Variants in HSD17B12 observed in about 807,000 individuals in gnomAD.
The protein encoded by HSD17B12 is hydroxysteroid 17-beta dehydrogenase 12, also known as very-long-chain 3-oxoacyl-CoA reductase.
Under a neutral mutation model 39.3 loss-of-function variants are expected in HSD17B12, and 32 were observed. That is an observed-to-expected ratio of 0.81 (90% confidence interval 0.61 to 1.09). HSD17B12 has a LOEUF of 1.09. Ranked by LOEUF, HSD17B12 falls within the 50% of genes least tolerant of loss-of-function variation. The probability of loss-of-function intolerance (pLI) is 0.00; values close to 1 mark genes in which losing one functional copy is unlikely to be tolerated. For missense variants in HSD17B12, 342 were observed against 382.9 expected, an observed-to-expected ratio of 0.89 and a Z score of 0.89; for synonymous variants, 150 against 146.7, an observed-to-expected ratio of 1.02 and a Z score of -0.16.
intron 1 of HSD17B12, among the ~76,000 whole-genome samples, chr11:43,701,676 G>C (rs1382072868): frequency 6.6e-6 from 1 of 152,056 alleles, no homozygotes; most frequent in Non-Finnish European, 1.5e-5. Context: ...CTATTGTGTT[G>C]CATTGGTCAG....
At chr11:43,727,000 T>C (rs1298344173) in intron 1 of HSD17B12, among the ~76,000 whole-genome samples, 1 of 152,264 alleles carries the variant, frequency 6.6e-6, no homozygotes. Context: ...GAATAGATTT[T>C]ATTTATGTAG....
At chr11:43,754,972 G>A (rs546950698) in intron 3 of HSD17B12, 6 of 695,316 alleles carry the variant, frequency 8.6e-6, no homozygotes, top group Non-Finnish European at 1.6e-5. Flanking sequence ...CATTTGTTTG[G>A]TAAAACATAC....
At chr11:43,783,408 T>C (rs1199011934) in intron 3 of HSD17B12, among the ~76,000 whole-genome samples, 4 of 152,040 alleles carry the variant, frequency 2.6e-5, no homozygotes, top group Non-Finnish European at 5.9e-5. Context: ...TTTTTTTTTT[T>C]TTTTACTTTT....
chr11:43,662,243 G>C, the HSD17B12 span, among the ~76,000 whole-genome samples: 39 of 149,980 alleles, frequency 2.6e-4, no homozygotes, highest in Non-Finnish European at 4.7e-4. Context: ...CTGTCACCTA[G>C]GCTGGAGTGC....
At chr11:43,843,234 A>G (rs1951443429) in intron 9 of HSD17B12, among the ~76,000 whole-genome samples, 1 of 152,226 alleles carries the variant, frequency 6.6e-6, no homozygotes, top group Non-Finnish European at 1.5e-5. Flanking sequence ...TAGAATAGAA[A>G]GAGAACCTCT....
chr11:43,669,095 A>G, the HSD17B12 span, among the ~76,000 whole-genome samples: 1 of 132,692 alleles, frequency 7.5e-6, no homozygotes, highest in Non-Finnish European at 1.6e-5. Flanking sequence ...AATTCTCAGA[A>G]ACATGATGCT....
chr11:43,713,588 T>G lies in HSD17B12; in HGVS notation c.160+32601T>G, dbSNP rs113308706. Among the ~76,000 whole-genome samples the G allele has an allele frequency of 5.3e-5, 8 of 152,286 alleles. 1 individual carries two copies. Among genetic ancestry groups the G allele is most frequent in the African/African-American group, 1.9e-4 (8 of 41,554 alleles). On this transcript the variant is annotated intron_variant, in intron 1 of 10. Coordinates refer to ENST00000278353, the MANE Select transcript of HSD17B12 (RefSeq NM_016142.3). ...ATTGTGAATAGTGCTGCAGTAAACA[T>G]ACGTGTGCATGTGTCTTTATAGCAG...
At chr11:43,774,813 G>A (rs1950683696) in intron 3 of HSD17B12, among the ~76,000 whole-genome samples, 1 of 152,084 alleles carries the variant, frequency 6.6e-6, no homozygotes, top group African/African-American at 2.4e-5. Flanking sequence ...TCACCTTCAG[G>A]TATATACACC....
At chr11:43,843,191 G>A (rs537704404) in intron 9 of HSD17B12, among the ~76,000 whole-genome samples, 5 of 152,198 alleles carry the variant, frequency 3.3e-5, no homozygotes, top group East Asian at 1.9e-4. Context: ...AAGCACAGTC[G>A]TCATTCTGTG....
the HSD17B12 span, among the ~76,000 whole-genome samples, chr11:43,593,676 C>T: frequency 6.6e-6 from 1 of 151,994 alleles, no homozygotes; most frequent in East Asian, 1.9e-4. Context: ...ATAATTATAA[C>T]CTTTAATGTT....
the HSD17B12 span, among the ~76,000 whole-genome samples, chr11:43,616,354 G>A: frequency 2.8e-5 from 4 of 145,392 alleles, no homozygotes; most frequent in Admixed American, 7.1e-5. Flanking sequence ...GTTGCAGTGG[G>A]CCAAGATAGT....
the HSD17B12 span, among the ~76,000 whole-genome samples, chr11:43,594,884 T>G: frequency 6.8e-6 from 1 of 147,264 alleles, no homozygotes; most frequent in Non-Finnish European, 1.5e-5. Context: ...TAAACATTTC[T>G]TTTTCCTGCA....
intron 1 of HSD17B12, among the ~76,000 whole-genome samples, chr11:43,697,542 C>G (rs1949923466): frequency 6.6e-6 from 1 of 152,150 alleles, no homozygotes; most frequent in South Asian, 2.1e-4. Flanking sequence ...AGAGGTCAAG[C>G]AGTTTACCCA....
the HSD17B12 span, among the ~76,000 whole-genome samples, chr11:43,661,056 C>A: frequency 6.6e-6 from 1 of 152,128 alleles, no homozygotes; most frequent in Non-Finnish European, 1.5e-5. Flanking sequence ...ACCTGGTTGG[C>A]AGAGGTTGCA....
chr11:43,681,332 A>G (rs111984739), intron 1 of HSD17B12: 11 of 234,368 alleles, frequency 4.7e-5, no homozygotes, highest in African/African-American at 2.0e-4. Flanking sequence ...CCTCAGTCAC[A>G]CGCTGTCCTC....
intron 1 of HSD17B12, among the ~76,000 whole-genome samples, chr11:43,740,928 A>G (rs1238046573): frequency 6.6e-6 from 1 of 152,376 alleles, no homozygotes; most frequent in East Asian, 1.9e-4. Flanking sequence ...ATGTGCATTT[A>G]ACACATGAAG....
At chr11:43,818,048 C>A (rs1951146906) in intron 6 of HSD17B12, among the ~76,000 whole-genome samples, 1 of 151,868 alleles carries the variant, frequency 6.6e-6, no homozygotes, top group African/African-American at 2.4e-5. Context: ...TTATTAAATG[C>A]TTTTTGTTTA....
the HSD17B12 span, among the ~76,000 whole-genome samples, chr11:43,648,012 TG>T: frequency 6.6e-6 from 1 of 152,198 alleles, no homozygotes; most frequent in Admixed American, 6.5e-5. Context: ...AAATGCTGAA[TG>T]TAGATTAAAA....
At position 43,854,719 on chromosome 11, in the gene HSD17B12, T is replaced by G; in HGVS notation, c.689T>G (p.Val230Gly). 1 of 1,613,516 alleles carries G rather than the reference T, an allele frequency of 6.2e-7. No individual in the cohort carries two copies. The highest frequency in any genetic ancestry group is 8.5e-7 in the Non-Finnish European group (1 of 1,180,018). The part of the protein sequence containing the change: ...YRSKGVFVQS[V>G]LPYFVATKLA... ...GGGTGGGTGTTCCCTTTCTAGAGTG[T>G]CCTGCCATACTTCGTAGCTACAAAA... The change falls in exon 10 of 11, where the codon GTC becomes GGC. Residue 230 changes from valine to glycine, a missense_variant. Val to Gly is a moderately radical substitution (Grantham distance 109, BLOSUM62 -3). Transcript: ENST00000278353.
Sources: gnomAD v4.1 joint callset for allele counts (sites outside exome capture counted in the v4.1 genomes callset) on GRCh38, gnomAD v4.1.1 for gene constraint, MANE v1.5 for transcripts, NCBI Gene and HGNC (gene_info 2026-07-23, HGNC 2026-07-21) for gene names.